The following KTN1 variants were observed in gnomAD, a reference collection of about 807,000 sequenced individuals.
KTN1 encodes the protein kinectin.
KTN1 carries 130 observed loss-of-function variants against 222.5 expected under a neutral mutation model. The ratio of observed to expected loss-of-function variants is 0.58; its 90% CI spans 0.51 to 0.68. The LOEUF (loss-of-function observed/expected upper bound fraction) is 0.68, where lower values mean the gene tolerates loss of function less well. Ranked by LOEUF, KTN1 falls within the 30% of genes least tolerant of loss-of-function variation. The probability of loss-of-function intolerance (pLI) is 0.00; values close to 1 mark genes in which losing one functional copy is unlikely to be tolerated. For synonymous variants in KTN1, 512 were observed against 496.3 expected (o/e 1.03, Z -0.42); for missense variants, 1,508 against 1,500.4 (o/e 1.01, Z -0.08).
intron 1 of KTN1, among the ~76,000 whole-genome samples, chr14:55,605,027 G>A (rs2036532787): frequency 6.6e-6 from 1 of 152,152 alleles, no homozygotes; most frequent in African/African-American, 2.4e-5. Flanking sequence ...TCCCAGATAG[G>A]AACCTATTCC....
At chr14:55,625,865 C>T (rs79363465) in intron 5 of KTN1, among the ~76,000 whole-genome samples, 3,200 of 152,128 alleles carry the variant, frequency 0.021, 123 homozygotes, top group African/African-American at 0.073. Flanking sequence ...GCACCCTTTT[C>T]ATGTATTTTT....
intron 5 of KTN1, among the ~76,000 whole-genome samples, chr14:55,625,053 A>G (rs531993778): frequency 3.0e-4 from 45 of 152,260 alleles, no homozygotes; most frequent in Admixed American, 5.2e-4. Flanking sequence ...ATGCCCTTGT[A>G]TTCGAGTTAT....
At chr14:55,631,615 C>T (rs573970667) in intron 7 of KTN1, among the ~76,000 whole-genome samples, 54 of 151,824 alleles carry the variant, frequency 3.6e-4, no homozygotes, top group African/African-American at 1.1e-3. Context: ...GGACCCCATT[C>T]TATAAAAAAA....
rs1244473644 is a variant in KTN1, at chr14:55,630,072, A to G, written c.1196A>G (p.Gln399Arg). Residue 399 changes from glutamine (Q) to arginine (R), a missense_variant, in exon 7 of 44, where the codon CAA (glutamine) becomes CGA (arginine). By Grantham distance (43) the Gln-to-Arg change is conservative (BLOSUM62 1). Coordinates refer to ENST00000395314, the MANE Select transcript of KTN1 (RefSeq NM_001079521.2). The part of the protein sequence containing the change: ...VFQNKIHVSY[Q>R]ETQQMQMKFQ... ...CAAAACAAAATACATGTCAGTTATC[A>G]AGAGACTCAACAGATGCAGATGAAG... 1.2e-6 allele frequency: 2 copies of G among 1,610,750 alleles called. No homozygotes were observed. Among genetic ancestry groups the G allele is most frequent in the South Asian group, 2.2e-5 (2 of 90,662 alleles).
At chr14:55,666,420 C>CT (rs1042768703) in intron 33 of KTN1, among the ~76,000 whole-genome samples, 1 of 148,500 alleles carries the variant, frequency 6.7e-6, no homozygotes, top group Non-Finnish European at 1.5e-5. Flanking sequence ...TTATAGGGGT[C>CT]TTTTTTTTCA....
chr14:55,630,201 A>C, intron 7 of KTN1, 104 bp downstream of exon 7: 1 of 1,007,696 alleles, frequency 9.9e-7, no homozygotes, highest in Admixed American at 2.1e-5. Flanking sequence ...GGCCATCAAC[A>C]TACAGTGGCT....
intron 5 of KTN1, among the ~76,000 whole-genome samples, chr14:55,623,092 T>A (rs1004758190): frequency 6.6e-6 from 1 of 152,248 alleles, no homozygotes; most frequent in Non-Finnish European, 1.5e-5. Flanking sequence ...TTTTCTCATA[T>A]AAGGCTAACC....
intron 1 of KTN1, among the ~76,000 whole-genome samples, chr14:55,610,473 C>G (rs1399446893): frequency 3.9e-5 from 6 of 152,120 alleles, no homozygotes; most frequent in Non-Finnish European, 8.8e-5. Flanking sequence ...CAGGTATTTT[C>G]TTAGGTGTAA....
At position 55,639,907 on chromosome 14, in the gene KTN1, C is replaced by G; in HGVS notation, c.1824-6C>G. ...ATTGAATGTACAAATGTCTTTCCTT[C>G]TAAAGGATTGCAGAAAAGGATAAGC... On this transcript the variant is annotated splice_region_variant and splice_polypyrimidine_tract_variant and intron_variant, in intron 13 of 43. Coordinates refer to ENST00000395314, the MANE Select transcript of KTN1 (RefSeq NM_001079521.2). 1 of 1,557,268 alleles carries G rather than the reference C, an allele frequency of 6.4e-7. No individual in the cohort carries two copies. The highest frequency in any genetic ancestry group is 1.1e-5 in the South Asian group (1 of 88,720).
chr14:55,631,800 C>T (rs1276995576), intron 7 of KTN1, among the ~76,000 whole-genome samples: 1 of 151,900 alleles, frequency 6.6e-6, no homozygotes, highest in Non-Finnish European at 1.5e-5. Context: ...CTCCAAACCT[C>T]TTTATTTCTA....
chr14:55,593,170 A>G (rs2034427969), intron 1 of KTN1, among the ~76,000 whole-genome samples: 3 of 151,994 alleles, frequency 2.0e-5, no homozygotes, highest in Admixed American at 6.6e-5. Flanking sequence ...TTTGTTTGGC[A>G]ACCCTTTTGC....
At chr14:55,585,043 G>T (rs922710846) in intron 1 of KTN1, among the ~76,000 whole-genome samples, 2 of 149,744 alleles carry the variant, frequency 1.3e-5, no homozygotes, top group African/African-American at 4.9e-5. Flanking sequence ...GAGGTGGGAG[G>T]ATTGCTTGAG....
intron 2 of KTN1, among the ~76,000 whole-genome samples, chr14:55,613,234 T>C (rs1467972200): frequency 1.3e-5 from 2 of 152,108 alleles, no homozygotes; most frequent in Non-Finnish European, 2.9e-5. Flanking sequence ...TCTAAACCAG[T>C]GTAGGAATTC....
In KTN1 at chr14:55,672,667, A is replaced by T; in HGVS notation, c.3569A>T (p.Glu1190Val). 6.2e-7 allele frequency: 1 copy of T among 1,607,184 alleles called. No homozygotes were observed. Among genetic ancestry groups the T allele is most frequent in the Non-Finnish European group, 8.5e-7 (1 of 1,174,188 alleles). ...SSFTSSEQELERLRSENKDIE... is the reference protein window; with the variant it reads ...SSFTSSEQELVRLRSENKDIE... ...TTTACATCTTCAGAACAAGAGCTAG[A>T]GCGATTAAGAAGCGAAAATAAGGAT... The change falls in exon 38 of 44, where the codon GAG becomes GTG. Residue 1190 changes from glutamate (E) to valine (V), a missense_variant. Physicochemically the swap from Glu to Val is moderately radical, Grantham distance 121. Coordinates refer to ENST00000395314, the MANE Select transcript of KTN1 (RefSeq NM_001079521.2).
chr14:55,590,823 G>T (rs2033980006), intron 1 of KTN1, among the ~76,000 whole-genome samples: 1 of 151,944 alleles, frequency 6.6e-6, no homozygotes, highest in African/African-American at 2.4e-5. Flanking sequence ...TTACAGGCAT[G>T]CACCACCACG....
intron 5 of KTN1, among the ~76,000 whole-genome samples, chr14:55,625,924 T>A (rs78771314): frequency 6.6e-6 from 1 of 152,164 alleles, no homozygotes. Context: ...ATCAATCACG[T>A]GTTTATTATT....
intron 18 of KTN1, among the ~76,000 whole-genome samples, chr14:55,645,333 G>A (rs561143388): frequency 6.6e-6 from 1 of 152,284 alleles, no homozygotes; most frequent in East Asian, 1.9e-4. Flanking sequence ...GATTTGCTAA[G>A]ACCTAATTAT....
At chr14:55,668,014 C>T (rs988374012) in intron 34 of KTN1, 3 of 151,620 alleles carry the variant, frequency 2.0e-5, no homozygotes, top group South Asian at 2.1e-4. Context: ...GTACATGGCA[C>T]GCATATAAGC....
chr14:55,585,808 G>A (rs1167620949), intron 1 of KTN1, among the ~76,000 whole-genome samples: 2 of 152,218 alleles, frequency 1.3e-5, no homozygotes, highest in African/African-American at 4.8e-5. Flanking sequence ...TTAATCCAGT[G>A]AGAGATCCTG....
Sources: allele counts gnomAD v4.1 joint callset (sites outside exome capture counted in the v4.1 genomes callset), GRCh38; gene constraint gnomAD v4.1.1; transcripts MANE v1.5; gene names NCBI Gene and HGNC (gene_info 2026-07-23, HGNC 2026-07-21).